Variants in GRM7 observed in about 807,000 individuals in gnomAD.
GRM7 encodes metabotropic glutamate receptor 7.
A neutral mutation model predicts 84.5 loss-of-function variants in GRM7; 35 were observed. The ratio of observed to expected loss-of-function variants is 0.41; its 90% CI spans 0.32 to 0.55. The LOEUF (loss-of-function observed/expected upper bound fraction) is 0.55. Among genes scored for constraint, GRM7 ranks in the 20% least tolerant of loss-of-function variants. GRM7 has a pLI of 0.19. For synonymous variants in GRM7, 487 were observed against 455.1 expected (o/e 1.07, Z -0.89); for missense variants, 1,003 against 1,194.6 (o/e 0.84, Z 2.36).
intron 1 of GRM7, among the ~76,000 whole-genome samples, chr3:6,931,397 C>T (rs1403360741): frequency 6.6e-6 from 1 of 152,176 alleles, no homozygotes; most frequent in African/African-American, 2.4e-5. Context: ...CTCATCCTTG[C>T]TCTTAGTGCC....
chr3:7,141,932 A>G (rs192854120), intron 1 of GRM7, among the ~76,000 whole-genome samples: 2 of 152,270 alleles, frequency 1.3e-5, no homozygotes, highest in Admixed American at 1.3e-4. Context: ...AGTAATTTCC[A>G]TGTAGGGAAA....
chr3:7,709,210 A>G (rs1375174387), intron 9 of GRM7, among the ~76,000 whole-genome samples: 1 of 152,184 alleles, frequency 6.6e-6, no homozygotes, highest in African/African-American at 2.4e-5. Flanking sequence ...GTTTTAGTCA[A>G]AATTAAACAA....
chr3:7,687,681 C>T (rs1700636502), intron 9 of GRM7, among the ~76,000 whole-genome samples: 1 of 152,146 alleles, frequency 6.6e-6, no homozygotes, highest in Non-Finnish European at 1.5e-5. Context: ...CTTTCCTACA[C>T]TGATAACATG....
intron 5 of GRM7, among the ~76,000 whole-genome samples, chr3:7,439,324 C>T (rs767630850): frequency 3.3e-5 from 5 of 152,168 alleles, no homozygotes; most frequent in Non-Finnish European, 4.4e-5. Context: ...GAATCAAAGA[C>T]CAGGCTTTCT....
At chr3:7,368,518 C>T (rs1006531527) in intron 4 of GRM7, among the ~76,000 whole-genome samples, 3 of 151,962 alleles carry the variant, frequency 2.0e-5, no homozygotes, top group Non-Finnish European at 4.4e-5. Context: ...AAATGTAATT[C>T]ATGCCTTGGG....
chr3:7,577,719 A>G (rs1019166857), intron 7 of GRM7, among the ~76,000 whole-genome samples: 1 of 152,182 alleles, frequency 6.6e-6, no homozygotes, highest in African/African-American at 2.4e-5. Flanking sequence ...TTTCCAGACC[A>G]TATTATTTTC....
intron 1 of GRM7, among the ~76,000 whole-genome samples, chr3:6,938,371 T>A (rs1386013914): frequency 6.6e-6 from 1 of 152,202 alleles, no homozygotes; most frequent in African/African-American, 2.4e-5. Flanking sequence ...AGTCTGTAGT[T>A]TTTGCATAGT....
intron 8 of GRM7, among the ~76,000 whole-genome samples, chr3:7,613,859 T>G (rs575137664): frequency 6.6e-6 from 1 of 152,348 alleles, no homozygotes; most frequent in South Asian, 2.1e-4. Context: ...GAAAACATTT[T>G]TAGTAGAAGT....
At chr3:6,947,736 G>T (rs1206011148) in intron 1 of GRM7, among the ~76,000 whole-genome samples, 1 of 152,166 alleles carries the variant, frequency 6.6e-6, no homozygotes, top group African/African-American at 2.4e-5. Context: ...TTCAGAGCCT[G>T]TTATTGGTCT....
rs574388921 is a variant in GRM7 at position 7,177,833 on chromosome 3, A to G, written c.736+31165A>G. Among the ~76,000 whole-genome samples the G allele has an allele frequency of 2.2e-3, 334 of 152,312 alleles. 2 individuals are homozygous for G. The highest frequency in any genetic ancestry group is 7.6e-3 in the African/African-American group (318 of 41,578). On this transcript the variant is annotated intron_variant, in intron 2 of 9. Coordinates refer to ENST00000357716, the MANE Select transcript of GRM7 (RefSeq NM_000844.4). ...TATAACTTACTATTACTTAATTAAG[A>G]CCTCAAGTCTGATTAAATCCTATCA...
At chr3:7,502,651 T>A (rs1002929904) in intron 7 of GRM7, among the ~76,000 whole-genome samples, 1 of 152,192 alleles carries the variant, frequency 6.6e-6, no homozygotes, top group East Asian at 1.9e-4. Flanking sequence ...CTATTTTTTC[T>A]GTCCCACAGA....
chr3:7,311,557 T>A (rs1412380304), intron 4 of GRM7, among the ~76,000 whole-genome samples: 1 of 151,932 alleles, frequency 6.6e-6, no homozygotes, highest in Non-Finnish European at 1.5e-5. Context: ...TGTTCTGCAA[T>A]CTGGGCCGTC....
intron 1 of GRM7, among the ~76,000 whole-genome samples, chr3:6,966,875 T>C (rs778810564): frequency 6.6e-6 from 1 of 152,228 alleles, no homozygotes; most frequent in Non-Finnish European, 1.5e-5. Flanking sequence ...CCATTTATAA[T>C]GTATGTGATC....
At chr3:7,426,530 A>C (rs138254543) in intron 5 of GRM7, among the ~76,000 whole-genome samples, 3 of 151,828 alleles carry the variant, frequency 2.0e-5, no homozygotes, top group African/African-American at 7.2e-5. Context: ...CACTCTTCAC[A>C]TCTCAGTGTC....
chr3:7,206,313 C>G (rs1043670564), intron 2 of GRM7, among the ~76,000 whole-genome samples: 1 of 152,150 alleles, frequency 6.6e-6, no homozygotes, highest in African/African-American at 2.4e-5. Flanking sequence ...TTACGACTAA[C>G]TAAAATGAAG....
At chr3:7,050,249 T>C (rs1415517060) in intron 1 of GRM7, among the ~76,000 whole-genome samples, 4 of 151,930 alleles carry the variant, frequency 2.6e-5, no homozygotes, top group African/African-American at 9.7e-5. Flanking sequence ...AGACTTGTTT[T>C]AATGGAGGGG....
At chr3:6,892,693 A>C (rs1696011409) in intron 1 of GRM7, 1 of 151,890 alleles carries the variant, frequency 6.6e-6, no homozygotes. Flanking sequence ...GCTAAACTTC[A>C]CCTCTCTTTA....
chr3:7,458,245 A>G (rs1047699913), intron 6 of GRM7, among the ~76,000 whole-genome samples: 1 of 152,064 alleles, frequency 6.6e-6, no homozygotes, highest in Non-Finnish European at 1.5e-5. Flanking sequence ...TCTGTTACCC[A>G]TCTTGTCAGG....
At chr3:6,885,888 A>G (rs1695674624) in intron 1 of GRM7, among the ~76,000 whole-genome samples, 1 of 152,210 alleles carries the variant, frequency 6.6e-6, no homozygotes, top group Admixed American at 6.5e-5. Flanking sequence ...TCTATTAAGT[A>G]TTTTATAATT....
Sources: allele counts gnomAD v4.1 joint callset (sites outside exome capture counted in the v4.1 genomes callset), GRCh38; gene constraint gnomAD v4.1.1; transcripts MANE v1.5; gene names NCBI Gene and HGNC (gene_info 2026-07-23, HGNC 2026-07-21).